SERINC1: variants seen among roughly 807,000 people sequenced by gnomAD.
SERINC1 encodes tumor differentially expressed protein 2.
In SERINC1, 38 loss-of-function variants were observed where a neutral mutation model predicts 52.9. The ratio of observed to expected loss-of-function variants is 0.72; its 90% CI spans 0.55 to 0.94. SERINC1 has a LOEUF of 0.94. Among genes scored for constraint, SERINC1 ranks in the 40% least tolerant of loss-of-function variants. SERINC1 has a pLI of 0.00. For missense variants in SERINC1, 471 were observed against 533.9 expected, an observed-to-expected ratio of 0.88 and a Z score of 1.16; for synonymous variants, 198 against 183.1, an observed-to-expected ratio of 1.08 and a Z score of -0.66.
rs556967401 is a variant in SERINC1, at chr6:122,464,825, C to T, written c.40-6144G>A. Reference sequence around the variant, plus strand: ...TCCACTTAAGTTTAGAGCACTGGTTCTCAAACTGTAACAACTACCAGAATT... The same window carrying T: ...TCCACTTAAGTTTAGAGCACTGGTTTTCAAACTGTAACAACTACCAGAATT... On this transcript the variant is annotated intron_variant, in intron 1 of 9. Transcript: ENST00000339697. Among the ~76,000 whole-genome samples, 6 of 152,246 alleles carry T rather than the reference C, an allele frequency of 3.9e-5. No homozygotes were observed. The East Asian group carries it at 1.2e-3, about 29-fold the overall frequency.
chr6:122,451,948 G>A lies in SERINC1; in HGVS notation c.699C>T (p.Ile233=). The change falls in exon 6 of 10, where the codon ATC becomes ATT. Residue 233 remains isoleucine, a synonymous_variant. Coordinates refer to ENST00000339697, the MANE Select transcript of SERINC1 (RefSeq NM_020755.4). ...CAACGCAGAGGAGCATGTTGACACT[G>A]ATGAACGCCTTGTTTTCTGAACAAC... ...PASCSENKAF[I]SVNMLLCVGA... The A allele has an allele frequency of 6.2e-7, 1 of 1,600,038 alleles. No homozygotes were observed. The highest frequency in any genetic ancestry group is 8.5e-7 in the Non-Finnish European group (1 of 1,173,866).
At position 122,451,902 on chromosome 6, in the gene SERINC1, G is replaced by T. The variant is rs1449030185; in HGVS notation, c.745C>A (p.Leu249Met). The change falls in exon 6 of 10, where the codon CTG becomes ATG. Residue 249 changes from leucine (L) to methionine (M), a missense_variant. Physicochemically the swap from Leu to Met is conservative, Grantham distance 15 (BLOSUM62 2). Coordinates refer to ENST00000339697, the MANE Select transcript of SERINC1 (RefSeq NM_020755.4). Reference protein sequence around the residue: ...LCVGASVMSILPKIQESQPRS... With the variant: ...LCVGASVMSIMPKIQESQPRS... ...AAAGGGCATACTTGGATTTTTGGCA[G>T]TATAGACATTACAGAAGCACCAACG... 1.3e-6 allele frequency: 2 copies of T among 1,568,102 alleles called. No individual in the cohort carries two copies. Among genetic ancestry groups the T allele is most frequent in the East Asian group, 2.4e-5 (1 of 41,650 alleles).
intron 1 of SERINC1, among the ~76,000 whole-genome samples, chr6:122,470,870 A>G (rs534920254): frequency 2.8e-4 from 43 of 152,078 alleles, no homozygotes; most frequent in Non-Finnish European, 5.3e-4. Flanking sequence ...ACTATTTTGG[A>G]GGGGGCAGAG....
At chr6:122,461,609 GTAAC>G in intron 1 of SERINC1, among the ~76,000 whole-genome samples, 2 of 151,362 alleles carry the variant, frequency 1.3e-5, no homozygotes, top group Admixed American at 1.3e-4. Context: ...GTATACATAT[GTAAC>G]TAACCTGCAC....
At chr6:122,464,896 C>T (rs960125357) in intron 1 of SERINC1, among the ~76,000 whole-genome samples, 11 of 152,160 alleles carry the variant, frequency 7.2e-5, no homozygotes, top group African/African-American at 2.6e-4. Flanking sequence ...GTCAATGTTT[C>T]TAGGGTATAA....
At chr6:122,446,670 T>C (rs1489201632) in intron 9 of SERINC1, 104 bp downstream of exon 9, 11 of 709,214 alleles carry the variant, frequency 1.6e-5, no homozygotes, top group Middle Eastern at 2.5e-4. Context: ...TTTTGAAATA[T>C]ATCAGAGGAT....
At chr6:122,449,493 T>C (rs146984155) in intron 7 of SERINC1, among the ~76,000 whole-genome samples, 1 of 152,336 alleles carries the variant, frequency 6.6e-6, no homozygotes, top group Admixed American at 6.5e-5. Flanking sequence ...GAGCATTCCC[T>C]TAAGCCAAAG....
intron 1 of SERINC1, 99 bp downstream of exon 1, chr6:122,471,600 G>C: frequency 6.9e-7 from 1 of 1,440,698 alleles, no homozygotes; most frequent in South Asian, 1.1e-5. Flanking sequence ...CTGTTGGGTG[G>C]GGCACCACAT....
intron 1 of SERINC1, among the ~76,000 whole-genome samples, chr6:122,469,660 A>T: frequency 6.6e-6 from 1 of 152,074 alleles, no homozygotes; most frequent in East Asian, 1.9e-4. Flanking sequence ...AGTTCAAGCA[A>T]TTCTCCTGCC....
rs2114497739 is a variant in SERINC1, at chr6:122,471,785, T to G, written c.-48A>C. 6.2e-7 allele frequency: 1 copy of G among 1,612,850 alleles called. No individual in the cohort carries two copies. Among genetic ancestry groups the G allele is most frequent in the Non-Finnish European group, 8.5e-7 (1 of 1,179,624 alleles). On this transcript the variant is annotated 5_prime_UTR_variant, in exon 1 of 10. Coordinates refer to ENST00000339697, the MANE Select transcript of SERINC1 (RefSeq NM_020755.4). ...CGGATACAGACAAGATGGAGACAGC[T>G]TCTTTCTCGCCTTTCCGAGATTATT...
At chr6:122,454,053 C>T in intron 4 of SERINC1, 98 bp downstream of exon 4, 1 of 1,146,760 alleles carries the variant, frequency 8.7e-7, no homozygotes, top group Non-Finnish European at 1.2e-6. Context: ...CACACACACC[C>T]CCAAACAAAA....
At chr6:122,460,808 T>C (rs188560875) in intron 1 of SERINC1, among the ~76,000 whole-genome samples, 9 of 152,286 alleles carry the variant, frequency 5.9e-5, no homozygotes, top group African/African-American at 2.2e-4. Context: ...TAGGGCATTG[T>C]AGTATTACTG....
chr6:122,471,532 A>G (rs572850266), intron 1 of SERINC1, among the ~76,000 whole-genome samples, 167 bp downstream of exon 1: 9 of 152,324 alleles, frequency 5.9e-5, no homozygotes, highest in African/African-American at 9.6e-5. Context: ...AAAGCTCTGA[A>G]GCTGAGTCTG....
chr6:122,455,243 T>C (rs769002626), intron 3 of SERINC1, among the ~76,000 whole-genome samples: 55 of 152,118 alleles, frequency 3.6e-4, no homozygotes, highest in Non-Finnish European at 5.9e-4. Context: ...CTTGATTGGA[T>C]TGAAGGGTGC....
At chr6:122,459,337 G>C (rs1775059151) in intron 1 of SERINC1, among the ~76,000 whole-genome samples, 1 of 152,140 alleles carries the variant, frequency 6.6e-6, no homozygotes, top group African/African-American at 2.4e-5. Flanking sequence ...GAAAGCCACA[G>C]AGTAAATATT....
Position 122,452,041 on chromosome 6 carries a change from T to C in SERINC1, c.606A>G (p.Thr202=). 2 of 1,544,904 alleles carry C rather than the reference T, an allele frequency of 1.3e-6. No homozygotes were observed. The highest frequency in any genetic ancestry group is 8.7e-7 in the Non-Finnish European group (1 of 1,149,728). Residue 202 remains threonine, a synonymous_variant, in exon 6 of 10, where the codon ACA becomes ACG. Transcript: ENST00000339697. The stretch of plus-strand genomic sequence containing the variant: ...CTAAAGACAGCAGATAATTCAGAGC[T>C]GTAGCTGATAACAAGGCTGTGAAAG... ...RCWYAALLSA[T]ALNYLLSLVA...
intron 1 of SERINC1, among the ~76,000 whole-genome samples, chr6:122,465,691 G>A (rs560424224): frequency 7.9e-5 from 12 of 152,186 alleles, no homozygotes; most frequent in East Asian, 5.8e-4. Flanking sequence ...TCCTAAATAT[G>A]AACAAATAGC....
At chr6:122,451,776 A>AAAAAATATATATATAT in intron 6 of SERINC1, 22 bp from the exon 7 acceptor site, 16 of 113,072 alleles carry the variant, frequency 1.4e-4, no homozygotes, top group African/African-American at 7.4e-4. Flanking sequence ...AAAAAAAAAA[A>AAAAAATATATATATAT]ATATATATAT....
chr6:122,462,661 GAACT>G (rs1775124680), intron 1 of SERINC1, among the ~76,000 whole-genome samples: 1 of 151,898 alleles, frequency 6.6e-6, no homozygotes, highest in East Asian at 1.9e-4. Flanking sequence ...AATGCAACTA[GAACT>G]AACTCATCGG....
Sources: allele counts gnomAD v4.1 joint callset (sites outside exome capture counted in the v4.1 genomes callset), GRCh38; gene constraint gnomAD v4.1.1; transcripts MANE v1.5; gene names NCBI Gene and HGNC (gene_info 2026-07-23, HGNC 2026-07-21).